Variants in ADK observed in about 807,000 individuals in gnomAD.
ADK encodes N6,N6-dimethyladenosine kinase.
In ADK, 24 loss-of-function variants were observed where a neutral mutation model predicts 44.7. That is an observed-to-expected ratio of 0.54 (90% CI 0.39 to 0.76). The LOEUF is 0.76. ADK is among the 30% of genes least tolerant of loss of function. The pLI, the probability that ADK is intolerant of heterozygous loss-of-function variation, is 0.00. For missense variants in ADK, 321 were observed against 425.1 expected (o/e 0.76, Z 2.15); for synonymous variants, 128 against 142.6 (o/e 0.90, Z 0.73).
intron 9 of ADK, among the ~76,000 whole-genome samples, chr10:74,602,195 T>C (rs957761697): frequency 1.3e-5 from 2 of 151,380 alleles, no homozygotes; most frequent in African/African-American, 2.4e-5. Context: ...CAATCTTTTA[T>C]TGTGATGGCA....
chr10:74,570,613 G>A (rs1048433225), intron 7 of ADK, among the ~76,000 whole-genome samples: 2 of 152,180 alleles, frequency 1.3e-5, no homozygotes, highest in African/African-American at 4.8e-5. Flanking sequence ...GTATAAGAAT[G>A]CTTGTGATTT....
chr10:74,502,458 A>G (rs572578531), intron 6 of ADK, among the ~76,000 whole-genome samples: 7 of 152,238 alleles, frequency 4.6e-5, no homozygotes, highest in Admixed American at 1.3e-4. Context: ...GAAGGCACCT[A>G]TATTTTAAAT....
intron 6 of ADK, among the ~76,000 whole-genome samples, chr10:74,457,616 C>G (rs1305266896): frequency 6.6e-6 from 1 of 152,156 alleles, no homozygotes; most frequent in African/African-American, 2.4e-5. Context: ...TGGAACCAAC[C>G]CAAATGCCCA....
intron 10 of ADK, among the ~76,000 whole-genome samples, chr10:74,694,921 T>G (rs1003564605): frequency 3.9e-5 from 6 of 152,168 alleles, no homozygotes; most frequent in African/African-American, 1.4e-4. Flanking sequence ...ATTTTTCCAT[T>G]TACATTTAAC....
rs116484716 is a variant in ADK at position 74,556,879 on chromosome 10, A to G, written c.726+31453A>G. ...TATCAGGCCGTATTTATGCCTTACTATCACATTTAGAGTGTGTTGTAGGCT... is the reference window on the plus strand; with the variant it reads ...TATCAGGCCGTATTTATGCCTTACTGTCACATTTAGAGTGTGTTGTAGGCT... On this transcript the variant is annotated intron_variant, in intron 7 of 10. Transcript: ENST00000539909. 5.1e-3 allele frequency among the ~76,000 whole-genome samples: 771 copies of G among 152,282 alleles called. 4 individuals are homozygous for G. The highest frequency in any genetic ancestry group is 0.017 in the African/African-American group (687 of 41,562).
At chr10:74,448,524 T>C (rs920117049) in intron 6 of ADK, among the ~76,000 whole-genome samples, 10 of 152,196 alleles carry the variant, frequency 6.6e-5, no homozygotes, top group African/African-American at 2.4e-4. Flanking sequence ...TGCAATTTCA[T>C]CTTTTATGTA....
At chr10:74,382,438 A>G (rs1239032607) in intron 4 of ADK, among the ~76,000 whole-genome samples, 1 of 152,084 alleles carries the variant, frequency 6.6e-6, no homozygotes, top group Non-Finnish European at 1.5e-5. Context: ...TTACCACAAT[A>G]AACTTCCTTG....
chr10:74,386,449 A>G (rs899601179), intron 4 of ADK, among the ~76,000 whole-genome samples: 2 of 152,204 alleles, frequency 1.3e-5, no homozygotes, highest in East Asian at 3.9e-4. Context: ...ATCTTCCTTG[A>G]AGGTAAAGTT....
At chr10:74,447,855 G>A (rs768220123) in intron 6 of ADK, among the ~76,000 whole-genome samples, 1 of 152,064 alleles carries the variant, frequency 6.6e-6, no homozygotes, top group Non-Finnish European at 1.5e-5. Flanking sequence ...AGAGTACAAA[G>A]TACAAAAGAA....
intron 7 of ADK, chr10:74,527,926 C>G: frequency 1.3e-6 from 1 of 784,834 alleles, no homozygotes; most frequent in Non-Finnish European, 2.3e-6. Context: ...CTATAGGTTT[C>G]TTCGACTTCA....
At chr10:74,295,245 T>G (rs1440571413) in intron 3 of ADK, among the ~76,000 whole-genome samples, 2 of 151,644 alleles carry the variant, frequency 1.3e-5, no homozygotes. Context: ...GCAGATCACC[T>G]GAGGTCAGGA....
At chr10:74,286,374 C>G (rs1256607468) in intron 3 of ADK, among the ~76,000 whole-genome samples, 3 of 152,130 alleles carry the variant, frequency 2.0e-5, no homozygotes, top group Admixed American at 1.3e-4. Context: ...TTTAAAACAT[C>G]CTGGCCAACT....
intron 3 of ADK, among the ~76,000 whole-genome samples, chr10:74,292,213 A>C (rs1839648755): frequency 6.6e-6 from 1 of 152,096 alleles, no homozygotes; most frequent in South Asian, 2.1e-4. Context: ...TTTTTGCATT[A>C]CAAAGATCAT....
At chr10:74,326,963 T>C (rs535712727) in intron 4 of ADK, among the ~76,000 whole-genome samples, 2 of 152,134 alleles carry the variant, frequency 1.3e-5, no homozygotes, top group South Asian at 4.1e-4. Context: ...TTGTTGCTTT[T>C]GGCTATCTTT....
intron 9 of ADK, among the ~76,000 whole-genome samples, chr10:74,654,312 A>G (rs1157115910): frequency 1.3e-5 from 2 of 152,248 alleles, no homozygotes. Flanking sequence ...TTGGCCTTTC[A>G]GTATTTTCTA....
chr10:74,629,512 G>A (rs191398134), intron 9 of ADK, among the ~76,000 whole-genome samples: 1 of 152,312 alleles, frequency 6.6e-6, no homozygotes, highest in Admixed American at 6.5e-5. Context: ...GAAGCCAGTT[G>A]CAACTTAACT....
intron 3 of ADK, among the ~76,000 whole-genome samples, chr10:74,286,303 C>T (rs972045388): frequency 6.6e-6 from 1 of 152,204 alleles, no homozygotes; most frequent in Non-Finnish European, 1.5e-5. Flanking sequence ...CCTTCAGTCC[C>T]TGCCTCCCAA....
At chr10:74,240,151 A>G (rs1845149713) in intron 3 of ADK, among the ~76,000 whole-genome samples, 1 of 152,060 alleles carries the variant, frequency 6.6e-6, no homozygotes, top group Admixed American at 6.6e-5. Context: ...AGTAGCTGGG[A>G]TTACAGGTGT....
intron 4 of ADK, among the ~76,000 whole-genome samples, chr10:74,366,794 G>A (rs1046984540): frequency 1.3e-5 from 2 of 152,166 alleles, no homozygotes; most frequent in Non-Finnish European, 2.9e-5. Flanking sequence ...GCCAAGCATG[G>A]TGGTACACAC....
Sources: allele counts gnomAD v4.1 joint callset (sites outside exome capture counted in the v4.1 genomes callset), GRCh38; gene constraint gnomAD v4.1.1; transcripts MANE v1.5; gene names NCBI Gene and HGNC (gene_info 2026-07-23, HGNC 2026-07-21).